Variants in AFAP1L2 observed in about 807,000 individuals in gnomAD.
AFAP1L2 encodes actin filament-associated protein 1-like 2.
A neutral mutation model predicts 99.3 loss-of-function variants in AFAP1L2; 46 were observed. That is an observed-to-expected ratio of 0.46 (90% CI 0.37 to 0.59). The LOEUF (loss-of-function observed/expected upper bound fraction) is 0.59. Among genes scored for constraint, AFAP1L2 ranks in the 20% least tolerant of loss-of-function variants. The pLI, the probability that AFAP1L2 is intolerant of heterozygous loss-of-function variation, is 0.00. For synonymous variants in AFAP1L2, 397 were observed against 419.1 expected (o/e 0.95, Z 0.64); for missense variants, 959 against 1,034.9 (o/e 0.93, Z 1.01).
intron 4 of AFAP1L2, among the ~76,000 whole-genome samples, chr10:114,328,239 G>A (rs1239778211): frequency 6.6e-6 from 1 of 152,216 alleles, no homozygotes; most frequent in African/African-American, 2.4e-5. Flanking sequence ...GAGTCTGTAG[G>A]GGTTGGAGTG....
At chr10:114,365,861 G>C (rs112487789) in intron 1 of AFAP1L2, among the ~76,000 whole-genome samples, 1,618 of 151,940 alleles carry the variant, frequency 0.011, 37 homozygotes, top group East Asian at 0.07. Context: ...AAGTAAGCTA[G>C]GACTACATAC....
chr10:114,321,111 T>C (rs935399876), intron 5 of AFAP1L2, among the ~76,000 whole-genome samples: 1 of 152,190 alleles, frequency 6.6e-6, no homozygotes, highest in Non-Finnish European at 1.5e-5. Context: ...TCCCATCTCA[T>C]CCCTGGTCCT....
chr10:114,382,588 CTTTTTTTTTTTT>C, intron 1 of AFAP1L2, among the ~76,000 whole-genome samples: 2 of 93,290 alleles, frequency 2.1e-5, no homozygotes, highest in African/African-American at 8.1e-5. Context: ...TATTTCTTCT[CTTTTTTTTTTTT>C]TTTTTTTTTT....
chr10:114,385,967 G>A (rs1328370509), intron 1 of AFAP1L2, among the ~76,000 whole-genome samples: 2 of 151,918 alleles, frequency 1.3e-5, no homozygotes, highest in African/African-American at 4.8e-5. Context: ...AGGATTCACT[G>A]AGACAATGAG....
At chr10:114,353,063 C>G (rs1347946467) in intron 1 of AFAP1L2, among the ~76,000 whole-genome samples, 1 of 152,210 alleles carries the variant, frequency 6.6e-6, no homozygotes, top group Admixed American at 6.5e-5. Context: ...TGGACCTAAC[C>G]AGTCAGAGCA....
chr10:114,402,327 T>C (rs901102739), intron 1 of AFAP1L2, among the ~76,000 whole-genome samples: 3 of 152,222 alleles, frequency 2.0e-5, no homozygotes, highest in Admixed American at 6.5e-5. Flanking sequence ...GCACAACTTA[T>C]CTGCCTCTCA....
In AFAP1L2 at chr10:114,295,255, T is replaced by TAAAG. The variant is rs2040024977; in HGVS notation, c.*783_*786dup. The TAAAG allele has an allele frequency of 1.1e-5, 11 of 985,532 alleles. No individual in the cohort carries two copies. In the Admixed American group the frequency reaches 1.8e-4, roughly 17 times the overall value. The allele number at this position is 985,532 out of a possible 1,614,324, so 61.0% of individuals were successfully genotyped here. A position where few individuals can be genotyped will look rare whatever the true frequency, so the allele number is the denominator to read the frequency against. On this transcript the variant is annotated 3_prime_UTR_variant, in exon 19 of 19. Transcript: ENST00000304129. ...ACACAGAGTAATATTTTTCCTACAG[T>TAAAG]AAAGAGTCACTTTAATCTCAAAAGA...
chr10:114,339,362 G>A (rs888787196), intron 2 of AFAP1L2, among the ~76,000 whole-genome samples: 6 of 152,188 alleles, frequency 3.9e-5, no homozygotes, highest in Non-Finnish European at 7.3e-5. Context: ...CAGGAGAATG[G>A]CGTGAACCCG....
intron 1 of AFAP1L2, among the ~76,000 whole-genome samples, chr10:114,369,047 A>G (rs2053707498): frequency 6.6e-6 from 1 of 152,226 alleles, no homozygotes; most frequent in Non-Finnish European, 1.5e-5. Context: ...TAGAAGAGGA[A>G]CAAAATCCTA....
intron 1 of AFAP1L2, among the ~76,000 whole-genome samples, chr10:114,352,478 T>C (rs868661222): frequency 8.7e-4 from 1 of 1,156 alleles, no homozygotes; most frequent in African/African-American, 2.2e-3. Flanking sequence ...TGTCTCCAAA[T>C]TAAAAAAAAA....
chr10:114,332,040 C>T, intron 3 of AFAP1L2, 143 bp from the exon 4 acceptor site: 2 of 489,348 alleles, frequency 4.1e-6, no homozygotes, highest in Non-Finnish European at 6.5e-6. Context: ...GTCCCTGGAA[C>T]CGAAGTTGTT....
At position 114,297,418 on chromosome 10, in the gene AFAP1L2, A is replaced by C. The variant is rs1373810030; in HGVS notation, c.2114-5T>G. The C allele has an allele frequency of 1.2e-6, 2 of 1,610,966 alleles. No homozygotes were observed. The highest frequency in any genetic ancestry group is 1.7e-6 in the Non-Finnish European group (2 of 1,179,580). On this transcript the variant is annotated splice_polypyrimidine_tract_variant and splice_region_variant and intron_variant, in intron 16 of 18. Transcript: ENST00000304129. ...GGCTCGCCAGGACTTCCTTGTCTGGAGAGAGAATTATGCAGGTGTCAGAGA... is the reference window on the plus strand; with the variant it reads ...GGCTCGCCAGGACTTCCTTGTCTGGCGAGAGAATTATGCAGGTGTCAGAGA...
rs533768905 is a variant in AFAP1L2 at position 114,324,675 on chromosome 10, G to A, written c.316-1414C>T. ...GAAGTCCTTGTGCTGCGCCCTCCGC[G>A]TGAGAGGGAAGGCCTGGGCCTTCAA... On this transcript the variant is annotated intron_variant, in intron 4 of 18. Coordinates refer to ENST00000304129, the MANE Select transcript of AFAP1L2 (RefSeq NM_001001936.3). Among the ~76,000 whole-genome samples, 11 of 152,344 alleles carry A rather than the reference G, an allele frequency of 7.2e-5. No homozygotes were observed. In the South Asian group the frequency reaches 8.3e-4, roughly 11 times the overall value.
intron 1 of AFAP1L2, among the ~76,000 whole-genome samples, chr10:114,364,136 C>T (rs149964481): frequency 5.2e-4 from 79 of 152,300 alleles, no homozygotes; most frequent in African/African-American, 1.7e-3. Flanking sequence ...CAGGCTGCAG[C>T]TTTGTTAAAA....
chr10:114,284,810 C>T, the AFAP1L2 span: 4 of 1,528,780 alleles, frequency 2.6e-6, no homozygotes, highest in South Asian at 3.7e-5. Context: ...GGCCAGTCCT[C>T]TCCACTCCTC....
intron 1 of AFAP1L2, among the ~76,000 whole-genome samples, chr10:114,378,831 G>A (rs558921088): frequency 6.6e-6 from 1 of 152,196 alleles, no homozygotes; most frequent in African/African-American, 2.4e-5. Context: ...TACCTGTCTA[G>A]CTCCTCCACC....
chr10:114,356,949 C>T (rs1192674349), intron 1 of AFAP1L2, among the ~76,000 whole-genome samples: 1 of 152,208 alleles, frequency 6.6e-6, no homozygotes, highest in East Asian at 1.9e-4. Context: ...AATGTGGTTA[C>T]TCCGTGCAGG....
chr10:114,294,336 A>AT (rs1161855410), downstream of AFAP1L2, among the ~76,000 whole-genome samples: 3 of 152,138 alleles, frequency 2.0e-5, no homozygotes, highest in African/African-American at 7.2e-5. Flanking sequence ...TATTCATAGT[A>AT]TTTTTTTATA....
intron 16 of AFAP1L2, 84 bp from the exon 17 acceptor site, chr10:114,297,497 T>G: frequency 7.2e-7 from 1 of 1,391,120 alleles, no homozygotes; most frequent in Non-Finnish European, 9.8e-7. Flanking sequence ...AGGGTCTACA[T>G]ACCCCGCCAC....
Sources: gnomAD v4.1 joint callset for allele counts (sites outside exome capture counted in the v4.1 genomes callset) on GRCh38, gnomAD v4.1.1 for gene constraint, MANE v1.5 for transcripts, NCBI Gene and HGNC (gene_info 2026-07-23, HGNC 2026-07-21) for gene names.